Variants in PAN3 observed in about 807,000 individuals in gnomAD.
The protein encoded by PAN3 is poly(A) specific ribonuclease subunit PAN3, also known as PAN2-PAN3 deadenylation complex subunit PAN3.
PAN3 carries 19 observed loss-of-function variants against 96.2 expected under a neutral mutation model. The ratio of observed to expected loss-of-function variants is 0.20; its 90% CI spans 0.14 to 0.29. The LOEUF is 0.29. Ranked by LOEUF, PAN3 falls within the 10% of genes least tolerant of loss-of-function variation. The pLI is 1.00. For missense variants in PAN3, 882 were observed against 1,108.1 expected (o/e 0.80, Z 2.90); for synonymous variants, 433 against 406.6 (o/e 1.06, Z -0.78).
chr13:28,159,445 C>T (rs1872634766), intron 1 of PAN3, among the ~76,000 whole-genome samples: 1 of 151,998 alleles, frequency 6.6e-6, no homozygotes, highest in African/African-American at 2.4e-5. Flanking sequence ...ACACCGGAGC[C>T]TTCTGTTTTT....
chr13:28,195,055 A>G (rs561325584), intron 4 of PAN3, among the ~76,000 whole-genome samples: 1 of 152,280 alleles, frequency 6.6e-6, no homozygotes, highest in South Asian at 2.1e-4. Flanking sequence ...TGCTATAGAC[A>G]TAGAGAGTAA....
At position 28,274,528 on chromosome 13, in the gene PAN3, C is replaced by G. The variant is rs1028612266; in HGVS notation, c.2049+2457C>G. 4.6e-5 allele frequency among the ~76,000 whole-genome samples: 7 copies of G among 150,838 alleles called. No individual in the cohort carries two copies. In the South Asian group the frequency reaches 8.3e-4, roughly 18 times the overall value. On this transcript the variant is annotated intron_variant, in intron 14 of 18. Transcript: ENST00000380958. ...AAAAAAACTGCACACGCTCCTCATTCTTTTCTCAGTAGGGTTCCTTTTCAA... is the reference window on the plus strand; with the variant it reads ...AAAAAAACTGCACACGCTCCTCATTGTTTTCTCAGTAGGGTTCCTTTTCAA...
At chr13:28,170,804 AT>A (rs893285805) in intron 1 of PAN3, among the ~76,000 whole-genome samples, 1 of 150,442 alleles carries the variant, frequency 6.6e-6, no homozygotes, top group East Asian at 2.0e-4. Context: ...TTATTTTTTC[AT>A]TTTTTTTTGA....
intron 1 of PAN3, 84 bp from the exon 2 acceptor site, chr13:28,174,188 C>T: frequency 7.2e-7 from 1 of 1,386,314 alleles, no homozygotes. Context: ...TGAGACTTTA[C>T]AACTTATTTA....
Position 28,155,733 on chromosome 13 carries a change from A to G in PAN3, c.430+16646A>G, listed in dbSNP as rs1277006073. Among the ~76,000 whole-genome samples the G allele has an allele frequency of 2.0e-5, 3 of 152,234 alleles. No homozygotes were observed. The East Asian group carries it at 5.8e-4, about 29-fold the overall frequency. ...ATACACATCTCATATATACACACAC[A>G]TATACATAAAATGTATAACAAACTC... is the stretch of plus-strand genomic sequence containing the variant. On this transcript the variant is annotated intron_variant, in intron 1 of 18. Coordinates refer to ENST00000380958, the MANE Select transcript of PAN3 (RefSeq NM_175854.8).
intron 1 of PAN3, among the ~76,000 whole-genome samples, chr13:28,155,309 T>C (rs1593371954): frequency 6.6e-6 from 1 of 151,998 alleles, no homozygotes; most frequent in East Asian, 1.9e-4. Flanking sequence ...TACAAAGACA[T>C]ATCAGGCCGG....
chr13:28,197,790 C>T (rs1028189217), intron 5 of PAN3, among the ~76,000 whole-genome samples: 6 of 151,894 alleles, frequency 4.0e-5, no homozygotes, highest in South Asian at 4.2e-4. Flanking sequence ...AGGCTGGTCT[C>T]GAACTCCTAC....
At chr13:28,251,229 G>A (rs1005318991) in intron 6 of PAN3, among the ~76,000 whole-genome samples, 1 of 151,936 alleles carries the variant, frequency 6.6e-6, no homozygotes, top group Non-Finnish European at 1.5e-5. Flanking sequence ...AATCACCTCC[G>A]TAGTAATTAT....
intron 6 of PAN3, among the ~76,000 whole-genome samples, chr13:28,249,527 C>A (rs374928374): frequency 1.3e-5 from 2 of 152,188 alleles, no homozygotes; most frequent in East Asian, 3.9e-4. Flanking sequence ...CGGCTCACCA[C>A]AGCCTCCACC....
intron 4 of PAN3, among the ~76,000 whole-genome samples, chr13:28,186,529 TTATG>T (rs1331667160): frequency 6.6e-6 from 1 of 150,616 alleles, no homozygotes; most frequent in Non-Finnish European, 1.5e-5. Flanking sequence ...AGTCTCCTAT[TTATG>T]ATCTGCAATT....
At position 28,176,384 on chromosome 13, in the gene PAN3, T is replaced by G. The variant is rs559766256; in HGVS notation, c.553-109T>G. The G allele has an allele frequency of 8.8e-5, 84 of 950,100 alleles. No individual in the cohort carries two copies. In the African/African-American group the frequency reaches 1.2e-3, roughly 14 times the overall value. The allele number at this position is 950,100 out of a possible 1,614,324, so 58.9% of individuals were successfully genotyped here. A position where few individuals can be genotyped will look rare whatever the true frequency, so the allele number is the denominator to read the frequency against. ...CAGGAAGATTAGATTGTCAGTAATG[T>G]GAACAGTAGATTGGAGGGGAAGAAG... On this transcript the variant is annotated intron_variant, in intron 2 of 18. Transcript: ENST00000380958.
intron 6 of PAN3, chr13:28,232,617 T>A (rs1593524672): frequency 1.3e-5 from 2 of 151,858 alleles, no homozygotes; most frequent in Admixed American, 6.6e-5. Flanking sequence ...AATATATTTT[T>A]AAAAAATTTA....
intron 1 of PAN3, among the ~76,000 whole-genome samples, chr13:28,149,536 G>C (rs537216779): frequency 6.6e-6 from 1 of 152,044 alleles, no homozygotes; most frequent in Non-Finnish European, 1.5e-5. Flanking sequence ...CCTAGTAGTC[G>C]CTAGAAAGTT....
intron 1 of PAN3, among the ~76,000 whole-genome samples, chr13:28,169,617 G>C (rs1003900526): frequency 6.6e-6 from 1 of 152,112 alleles, no homozygotes; most frequent in Non-Finnish European, 1.5e-5. Context: ...TTTATGATCT[G>C]TATAGGATGG....
chr13:28,208,529 T>C (rs1273532478), intron 5 of PAN3, among the ~76,000 whole-genome samples: 9 of 149,754 alleles, frequency 6.0e-5, no homozygotes, highest in African/African-American at 1.5e-4. Flanking sequence ...GTGTTTCAGA[T>C]TTTTTTTTTG....
intron 17 of PAN3, among the ~76,000 whole-genome samples, chr13:28,282,061 C>T (rs1373341793): frequency 6.6e-6 from 1 of 152,160 alleles, no homozygotes; most frequent in African/African-American, 2.4e-5. Context: ...CAGGCATGAG[C>T]CACCACGCCT....
intron 3 of PAN3, among the ~76,000 whole-genome samples, chr13:28,177,115 T>TA (rs1413686053): frequency 1.3e-5 from 2 of 152,052 alleles, no homozygotes; most frequent in Non-Finnish European, 2.9e-5. Context: ...GATTAATAAA[T>TA]AAAAAATTAA....
intron 7 of PAN3, among the ~76,000 whole-genome samples, chr13:28,258,117 C>T (rs961073419): frequency 1.3e-5 from 2 of 152,046 alleles, no homozygotes; most frequent in Admixed American, 1.3e-4. Context: ...CATGCCCAGC[C>T]TAAACTATGC....
In PAN3 at chr13:28,138,580, T is replaced by G; in HGVS notation, c.-78T>G. On this transcript the variant is annotated 5_prime_UTR_variant, in exon 1 of 19. Transcript: ENST00000380958. ...GCTTTTATCCGGCACCGGCAGCGTC[T>G]TCCTTTCCTCCCCCGTCTATGGTGG... 2.5e-6 allele frequency: 1 copy of G among 397,478 alleles called. No homozygotes were observed. Among genetic ancestry groups the G allele is most frequent in the South Asian group, 4.6e-5 (1 of 21,628 alleles). The allele number at this position is 397,478 out of a possible 1,614,324, so 24.6% of individuals were successfully genotyped here. A position where few individuals can be genotyped will look rare whatever the true frequency, so the allele number is the denominator to read the frequency against.
Sources: gnomAD v4.1 joint callset for allele counts (sites outside exome capture counted in the v4.1 genomes callset) on GRCh38, gnomAD v4.1.1 for gene constraint, MANE v1.5 for transcripts, NCBI Gene and HGNC (gene_info 2026-07-23, HGNC 2026-07-21) for gene names.